The following SLC9A4 variants were observed in gnomAD, a reference collection of about 807,000 sequenced individuals.
SLC9A4 encodes the protein sodium/hydrogen exchanger 4.
In SLC9A4, 63 loss-of-function variants were observed where a neutral mutation model predicts 67.4. The observed-to-expected ratio is 0.93, with a 90% CI of 0.76 to 1.15. SLC9A4 has a LOEUF of 1.15. Ranked by LOEUF, SLC9A4 falls within the 50% of genes most tolerant of loss-of-function variation. The pLI is 0.00. For synonymous variants in SLC9A4, 393 were observed against 367.2 expected, an observed-to-expected ratio of 1.07 and a Z score of -0.80; for missense variants, 1,089 against 987.7, an observed-to-expected ratio of 1.10 and a Z score of -1.38.
rs1203324442 is a variant in SLC9A4 at position 102,526,432 on chromosome 2, A to G, written c.2038+86A>G. 4 of 1,250,914 alleles carry G rather than the reference A, an allele frequency of 3.2e-6. No homozygotes were observed. The African/African-American group carries it at 5.9e-5, about 19-fold the overall frequency. 77.5% of individuals were successfully genotyped at this position (1,250,914 alleles called of 1,614,324 possible). A position where few individuals can be genotyped will look rare whatever the true frequency, so the allele number is the denominator to read the frequency against. On this transcript the variant is annotated intron_variant, in intron 11 of 11. Transcript: ENST00000295269. ...GGGTGTGGGCCAAGAGGCAACATTAAGAACATTATGTAGGTTACTTACATG... is the reference window on the plus strand; with the variant it reads ...GGGTGTGGGCCAAGAGGCAACATTAGGAACATTATGTAGGTTACTTACATG...
intron 7 of SLC9A4, 37 bp downstream of exon 7, chr2:102,512,310 C>A (rs1270594476): frequency 6.2e-7 from 1 of 1,602,976 alleles, no homozygotes; most frequent in Admixed American, 1.7e-5. Context: ...TGACAAACTT[C>A]TAAAGGTTCC....
rs1304222153 is a variant in SLC9A4, at chr2:102,532,657, G to A, written c.2366G>A (p.Arg789Lys). The change falls in exon 12 of 12, where the codon AGG becomes AAG. Residue 789 changes from arginine to lysine, a missense_variant. Coordinates refer to ENST00000295269, the MANE Select transcript of SLC9A4 (RefSeq NM_001011552.4). ...CATGGACACGGCAGGGACCATCACA[G>A]GTCCCATAGTCCTTTGCTCCAAAAA... The part of the protein sequence containing the change: ...ADHGHGRDHH[R>K]SHSPLLQKK 3.1e-6 allele frequency: 5 copies of A among 1,613,826 alleles called. No homozygotes were observed. The highest frequency in any genetic ancestry group is 4.2e-6 in the Non-Finnish European group (5 of 1,179,986).
rs1414664004 is a variant in SLC9A4, at chr2:102,478,927, C to T, written c.345C>T (p.Phe115=). 5.6e-6 allele frequency: 9 copies of T among 1,614,078 alleles called. 1 individual carries two copies. In the Admixed American group the frequency reaches 6.7e-5, roughly 12 times the overall value. ...LVGALVGGII[F]GTDHKSPPVM... ...GGGCGCTGGTGGGCGGCATCATCTT[C>T]GGCACCGACCACAAATCGCCTCCGG... is the stretch of plus-strand genomic sequence containing the variant. The change falls in exon 2 of 12, where the codon TTC becomes TTT. Residue 115 remains phenylalanine, a synonymous_variant. Coordinates refer to ENST00000295269, the MANE Select transcript of SLC9A4 (RefSeq NM_001011552.4).
chr2:102,527,996 T>C (rs1674700343), intron 11 of SLC9A4, among the ~76,000 whole-genome samples: 1 of 151,072 alleles, frequency 6.6e-6, no homozygotes, highest in Non-Finnish European at 1.5e-5. Context: ...TTTTATCTCC[T>C]ATATGTTGCC....
In SLC9A4 at chr2:102,480,986, G is replaced by C. The variant is rs138913536; in HGVS notation, c.720+1684G>C. 6.3e-4 allele frequency among the ~76,000 whole-genome samples: 96 copies of C among 152,310 alleles called. 1 individual carries two copies. The highest frequency in any genetic ancestry group is 2.0e-3 in the African/African-American group (85 of 41,566). On this transcript the variant is annotated intron_variant, in intron 2 of 11. Transcript: ENST00000295269. ...GTGCTCCCTGGTTCTCACAGGAGGAGATGATTGAGTTGTTGGAATAATTTT... is the reference window on the plus strand; with the variant it reads ...GTGCTCCCTGGTTCTCACAGGAGGACATGATTGAGTTGTTGGAATAATTTT...
intron 9 of SLC9A4, among the ~76,000 whole-genome samples, chr2:102,524,262 C>T (rs551048062): frequency 3.9e-5 from 6 of 152,296 alleles, no homozygotes; most frequent in Admixed American, 1.3e-4. Context: ...TACAGTGTGT[C>T]ACCTACTGAC....
intron 9 of SLC9A4, among the ~76,000 whole-genome samples, chr2:102,524,557 TG>T: frequency 1.3e-4 from 1 of 7,516 alleles, no homozygotes; most frequent in South Asian, 1.9e-3. Context: ...TGATAGGAAT[TG>T]TGTGTGTGTG....
rs745493440 is a variant in SLC9A4 at position 102,479,191 on chromosome 2, C to A, written c.609C>A (p.Ile203=). 1.2e-6 allele frequency: 2 copies of A among 1,614,080 alleles called. No homozygotes were observed. Among genetic ancestry groups the A allele is most frequent in the African/African-American group, 2.7e-5 (2 of 74,954 alleles). Residue 203 remains isoleucine (I), a synonymous_variant, in exon 2 of 12, where the codon ATC becomes ATA. Coordinates refer to ENST00000295269, the MANE Select transcript of SLC9A4 (RefSeq NM_001011552.4). ...AGAACCTGCTGTTCGGCAGCCTGATCTCCGCCGTGGACCCAGTGGCCGTGC... is the reference window on the plus strand; with the variant it reads ...AGAACCTGCTGTTCGGCAGCCTGATATCCGCCGTGGACCCAGTGGCCGTGC... The part of the protein sequence containing the change: ...LLQNLLFGSL[I]SAVDPVAVLA...
At chr2:102,532,259 A>T in intron 11 of SLC9A4, 71 bp from the exon 12 acceptor site, 1 of 1,484,020 alleles carries the variant, frequency 6.7e-7, no homozygotes, top group South Asian at 1.3e-5. Flanking sequence ...AGTTCCTGCC[A>T]TGTGGATATT....
Position 102,519,886 on chromosome 2 carries a change from A to G in SLC9A4, c.1749A>G (p.Arg583=). Residue 583 remains arginine, a synonymous_variant, in exon 9 of 12, where the codon AGA becomes AGG. Coordinates refer to ENST00000295269, the MANE Select transcript of SLC9A4 (RefSeq NM_001011552.4). The part of the protein sequence containing the change: ...HQAQRIQGIK[R]LSPEDVESIR... ...CCCAGAGGATACAAGGAATCAAAAG[A>G]CTTTCCCCTGAAGATGTGGAGTCCA... The G allele has an allele frequency of 6.2e-7, 1 of 1,613,810 alleles. No individual in the cohort carries two copies. Among genetic ancestry groups the G allele is most frequent in the Non-Finnish European group, 8.5e-7 (1 of 1,179,762 alleles).
At position 102,473,338 on chromosome 2, in the gene SLC9A4, T is replaced by A. The variant is rs532762773; in HGVS notation, c.-422T>A. 4.3e-4 allele frequency: 68 copies of A among 159,862 alleles called. No homozygotes were observed. The highest frequency in any genetic ancestry group is 1.6e-3 in the African/African-American group (67 of 41,682). 9.9% of individuals were successfully genotyped at this position (159,862 alleles called of 1,614,324 possible). The stretch of plus-strand genomic sequence containing the variant: ...GGTTTCCTTTCCTCATTAGAAGGAC[T>A]CCAGTGATCTGTGGAATGAGCACTA... On this transcript the variant is annotated 5_prime_UTR_variant, in exon 1 of 12. Transcript: ENST00000295269.
rs1350165045 is a variant in SLC9A4, at chr2:102,526,470, A to G, written c.2038+124A>G. On this transcript the variant is annotated intron_variant, in intron 11 of 11. Coordinates refer to ENST00000295269, the MANE Select transcript of SLC9A4 (RefSeq NM_001011552.4). ...GGTTACTTACATGATAAGAAAAAGA[A>G]GAAAACAACTTCTTTTATAGTTGAA... 13 of 760,488 alleles carry G rather than the reference A, an allele frequency of 1.7e-5. No individual in the cohort carries two copies. In the Admixed American group the frequency reaches 4.0e-4, roughly 23 times the overall value. 47.1% of individuals were successfully genotyped at this position (760,488 alleles called of 1,614,324 possible).
chr2:102,481,674 TA>T (rs1684466009), intron 2 of SLC9A4, among the ~76,000 whole-genome samples: 1 of 152,178 alleles, frequency 6.6e-6, no homozygotes, highest in Non-Finnish European at 1.5e-5. Flanking sequence ...AAAGACCAAA[TA>T]TTTTCTTCCA....
chr2:102,485,957 G>A (rs181726205), intron 2 of SLC9A4, among the ~76,000 whole-genome samples: 3 of 152,326 alleles, frequency 2.0e-5, no homozygotes, highest in African/African-American at 7.2e-5. Flanking sequence ...CCCACACCTT[G>A]TCATGCACGT....
intron 2 of SLC9A4, among the ~76,000 whole-genome samples, chr2:102,484,355 G>A (rs1458997687): frequency 6.6e-5 from 10 of 152,170 alleles, no homozygotes; most frequent in Admixed American, 2.6e-4. Context: ...CTGGACTTAA[G>A]TCCAGTGAGT....
At chr2:102,514,302 G>C in intron 8 of SLC9A4, 51 bp downstream of exon 8, 1 of 1,382,330 alleles carries the variant, frequency 7.2e-7, no homozygotes, top group African/African-American at 1.5e-5. Flanking sequence ...GAATTCCAAG[G>C]GGCGCTGACT....
chr2:102,505,976 T>C (rs561416942), intron 4 of SLC9A4, among the ~76,000 whole-genome samples: 2 of 152,346 alleles, frequency 1.3e-5, no homozygotes, highest in African/African-American at 4.8e-5. Flanking sequence ...AGACAAATAC[T>C]GATAGAAAAC....
In SLC9A4 at chr2:102,514,114, C is replaced by T. The variant is rs769686433; in HGVS notation, c.1584C>T (p.Tyr528=). ...RDKFKKFDHR[Y]LRKILIRKNL... ...GGTTTAAGAAGTTTGATCATAGATA[C>T]TTACGGAAAATCCTCATCAGAAAGA... The change falls in exon 8 of 12, where the codon TAC becomes TAT. Residue 528 remains tyrosine (Y), a synonymous_variant. Coordinates refer to ENST00000295269, the MANE Select transcript of SLC9A4 (RefSeq NM_001011552.4). The T allele has an allele frequency of 1.2e-6, 2 of 1,613,058 alleles. No homozygotes were observed. Among genetic ancestry groups the T allele is most frequent in the South Asian group, 1.1e-5 (1 of 90,744 alleles).
At chr2:102,488,828 T>G (rs1393332638) in intron 2 of SLC9A4, among the ~76,000 whole-genome samples, 1 of 152,224 alleles carries the variant, frequency 6.6e-6, no homozygotes, top group Non-Finnish European at 1.5e-5. Flanking sequence ...ATTACAGGCG[T>G]GAGCCACTGC....
Sources: allele counts gnomAD v4.1 joint callset (sites outside exome capture counted in the v4.1 genomes callset), GRCh38; gene constraint gnomAD v4.1.1; transcripts MANE v1.5; gene names NCBI Gene and HGNC (gene_info 2026-07-23, HGNC 2026-07-21).